BCOR: variants seen among roughly 807,000 people sequenced by gnomAD.
BCOR encodes the protein BCL6 corepressor.
In BCOR, 10 loss-of-function variants were observed where a neutral mutation model predicts 86.7. That is an observed-to-expected ratio of 0.12 (90% CI 0.07 to 0.20). BCOR has a LOEUF of 0.20. Among genes scored for constraint, BCOR ranks in the 10% least tolerant of loss-of-function variants. BCOR has a pLI of 1.00. For missense variants in BCOR, 1,259 were observed against 1,452.1 expected (o/e 0.87, Z 2.16); for synonymous variants, 611 against 609.0 (o/e 1.00, Z -0.05).
chrX:40,172,499 G>A (rs1294890736), intron 1 of BCOR, among the ~76,000 whole-genome samples: 2 of 113,603 alleles, frequency 1.8e-5, no homozygotes, highest in Non-Finnish European at 3.7e-5. Flanking sequence ...CGAGCGGGGA[G>A]GAGGAAGGAA....
intron 1 of BCOR, among the ~76,000 whole-genome samples, chrX:40,115,097 C>G (rs759645821): frequency 1.1e-4 from 12 of 111,091 alleles, no homozygotes; most frequent in African/African-American, 3.9e-4. Context: ...TGTGATCTGC[C>G]CACCTCGGCC....
chrX:40,160,864 G>A (rs1395806775), intron 1 of BCOR, among the ~76,000 whole-genome samples: 2 of 102,350 alleles, frequency 2.0e-5, no homozygotes, highest in South Asian at 4.6e-4. Flanking sequence ...TAGTAGAGAC[G>A]GGGTTTCACC....
intron 1 of BCOR, among the ~76,000 whole-genome samples, chrX:40,079,497 AT>A (rs1935978280): frequency 9.0e-6 from 1 of 111,621 alleles, no homozygotes; most frequent in Admixed American, 9.5e-5. Flanking sequence ...ATGGGCCCCC[AT>A]CCCCATAGAA....
At position 40,077,093 on chromosome X, in the gene BCOR, A is replaced by G. The variant is rs1455084677; in HGVS notation, c.87-561T>C. 7 of 249,574 alleles carry G rather than the reference A, an allele frequency of 2.8e-5. No individual in the cohort carries two copies. The Admixed American group carries it at 4.3e-4, about 15-fold the overall frequency. 20.6% of individuals were successfully genotyped at this position (249,574 alleles called of 1,213,427 possible). On this transcript the variant is annotated intron_variant, in intron 2 of 14. Coordinates refer to ENST00000378444, the MANE Select transcript of BCOR (RefSeq NM_001123385.2). ...ATATTTGACTGCCTTTGTCAAAATG[A>G]CAGGGGGATACACACTAGTATCATA...
intron 1 of BCOR, among the ~76,000 whole-genome samples, chrX:40,139,488 TATA>T (rs1937857079): frequency 6.6e-5 from 1 of 15,168 alleles, no homozygotes; most frequent in Non-Finnish European, 9.7e-5. Context: ...TATATATATA[TATA>T]TATATATTTT....
At chrX:40,163,475 T>C (rs1387667324) in intron 1 of BCOR, among the ~76,000 whole-genome samples, 1 of 111,121 alleles carries the variant, frequency 9.0e-6, no homozygotes, top group Non-Finnish European at 1.9e-5. Flanking sequence ...ATGAGGCCTC[T>C]TGAGGGTAGA....
At chrX:40,135,659 G>A (rs1937665549) in intron 1 of BCOR, among the ~76,000 whole-genome samples, 2 of 111,365 alleles carry the variant, frequency 1.8e-5, no homozygotes, top group Non-Finnish European at 3.8e-5. Flanking sequence ...GAAAGTACTG[G>A]GATTACAGGT....
chrX:40,062,018 C>A (rs994255854), intron 10 of BCOR, 121 bp downstream of exon 10: 1 of 920,167 alleles, frequency 1.1e-6, no homozygotes, highest in Non-Finnish European at 1.5e-6. Flanking sequence ...GTTGGAGCAC[C>A]GGCCCAGCCC....
chrX:40,116,249 G>A (rs1163232751), intron 1 of BCOR, among the ~76,000 whole-genome samples: 1 of 112,141 alleles, frequency 8.9e-6, no homozygotes, highest in Non-Finnish European at 1.9e-5. Flanking sequence ...TGTAATCCCA[G>A]TGCTTTGGGA....
chrX:40,109,325 G>C (rs1238632144), intron 1 of BCOR, among the ~76,000 whole-genome samples: 5 of 110,681 alleles, frequency 4.5e-5, no homozygotes, highest in Non-Finnish European at 9.5e-5. Flanking sequence ...GACCCGCGCA[G>C]CCGAGATCCA....
intron 9 of BCOR, 127 bp downstream of exon 9, chrX:40,062,619 A>G: frequency 1.3e-6 from 1 of 768,568 alleles, no homozygotes; most frequent in Non-Finnish European, 1.9e-6. Flanking sequence ...CCTCTAGGAC[A>G]GGGGAGTGAC....
At chrX:40,110,627 C>T (rs1202514334) in intron 1 of BCOR, among the ~76,000 whole-genome samples, 1 of 89,554 alleles carries the variant, frequency 1.1e-5, no homozygotes, top group Non-Finnish European at 2.2e-5. Flanking sequence ...AGACAATCAA[C>T]CATTTTCTTT....
chrX:40,157,895 CT>C (rs1938329726), intron 1 of BCOR, among the ~76,000 whole-genome samples: 1 of 112,834 alleles, frequency 8.9e-6, no homozygotes, highest in Non-Finnish European at 1.9e-5. Context: ...ACTGCCTTTA[CT>C]AGAGAATACC....
chrX:40,077,605 A>C, intron 2 of BCOR: 1 of 423,636 alleles, frequency 2.4e-6, no homozygotes. Flanking sequence ...ATAAATATGA[A>C]ATAATAAATT....
chrX:40,089,763 A>C (rs1936515493), intron 1 of BCOR, among the ~76,000 whole-genome samples: 1 of 111,797 alleles, frequency 8.9e-6, no homozygotes, highest in Admixed American at 9.5e-5. Flanking sequence ...TTCGCCACAT[A>C]AAGCAATAAA....
chrX:40,055,257 A>G, intron 12 of BCOR, 111 bp downstream of exon 12: 5 of 817,345 alleles, frequency 6.1e-6, no homozygotes, highest in Non-Finnish European at 9.1e-6. Context: ...CTCTCCTAAA[A>G]GCTTTACAGT....
At chrX:40,158,239 G>A (rs1055579314) in intron 1 of BCOR, among the ~76,000 whole-genome samples, 31 of 112,594 alleles carry the variant, frequency 2.8e-4, no homozygotes, top group African/African-American at 9.0e-4. Context: ...GGTAAAGGAG[G>A]AGCGGCTTCG....
intron 1 of BCOR, among the ~76,000 whole-genome samples, chrX:40,103,766 G>A (rs1937116331): frequency 1.8e-5 from 2 of 111,123 alleles, no homozygotes; most frequent in Admixed American, 1.9e-4. Context: ...CGAGAAGGGG[G>A]TGGGGATAAA....
At chrX:40,135,053 T>TC (rs1937651187) in intron 1 of BCOR, among the ~76,000 whole-genome samples, 2 of 110,527 alleles carry the variant, frequency 1.8e-5, no homozygotes, top group South Asian at 7.8e-4. Context: ...CACTTAGGAA[T>TC]CCCCCCCACA....
Sources: gnomAD v4.1 joint callset for allele counts (sites outside exome capture counted in the v4.1 genomes callset) on GRCh38, gnomAD v4.1.1 for gene constraint, MANE v1.5 for transcripts, NCBI Gene and HGNC (gene_info 2026-07-23, HGNC 2026-07-21) for gene names.